The following JMY variants were observed in gnomAD, a reference collection of about 807,000 sequenced individuals.
The protein encoded by JMY is junction-mediating and -regulatory protein.
A neutral mutation model predicts 103.3 loss-of-function variants in JMY; 46 were observed. The observed-to-expected ratio is 0.45, with a 90% CI of 0.35 to 0.57. The LOEUF is 0.57. JMY is among the 20% of genes least tolerant of loss of function. JMY has a pLI of 0.00. For synonymous variants in JMY, 526 were observed against 489.3 expected (o/e 1.07, Z -0.99); for missense variants, 1,238 against 1,255.2 (o/e 0.99, Z 0.21).
chr5:79,258,311 G>GTTTTTT (rs1491360478), intron 1 of JMY, among the ~76,000 whole-genome samples: 94 of 81,816 alleles, frequency 1.1e-3, no homozygotes, highest in African/African-American at 2.7e-3. Context: ...TTTTGTTTTT[G>GTTTTTT]TTGTTTTTTT....
intron 3 of JMY, among the ~76,000 whole-genome samples, chr5:79,290,715 C>T (rs1476244958): frequency 2.0e-5 from 3 of 152,128 alleles, no homozygotes; most frequent in African/African-American, 4.8e-5. Flanking sequence ...CGGCCGGGCA[C>T]GGTGGCTCAC....
chr5:79,314,422 C>T lies in JMY; in HGVS notation c.2230C>T (p.Arg744Cys), dbSNP rs554608602. The change falls in exon 9 of 11, where the codon CGT (arginine) becomes TGT (cysteine). Residue 744 changes from arginine to cysteine, a missense_variant. By Grantham distance (180) the Arg-to-Cys change is radical (BLOSUM62 -3). Coordinates refer to ENST00000396137, the MANE Select transcript of JMY (RefSeq NM_152405.5). ...AGAGGTGGGAGAAGGAAGAGTCAAGCGTGGGCCATCACAGACAACAGAACC... is the reference window on the plus strand; with the variant it reads ...AGAGGTGGGAGAAGGAAGAGTCAAGTGTGGGCCATCACAGACAACAGAACC... ...TEEVGEGRVK[R>C]GPSQTTEPQS... The T allele has an allele frequency of 8.7e-6, 14 of 1,614,094 alleles. No homozygotes were observed. The highest frequency in any genetic ancestry group is 4.5e-5 in the East Asian group (2 of 44,880).
At chr5:79,300,963 T>A in intron 6 of JMY, 100 bp downstream of exon 6, 2 of 979,276 alleles carry the variant, frequency 2.0e-6, no homozygotes, top group Non-Finnish European at 3.0e-6. Context: ...TAAAACTAAG[T>A]AAGCACTATC....
intron 1 of JMY, among the ~76,000 whole-genome samples, chr5:79,255,433 C>T (rs1745212382): frequency 6.6e-6 from 1 of 152,030 alleles, no homozygotes; most frequent in South Asian, 2.1e-4. Context: ...TTCCTGGTGG[C>T]TTATTTATTA....
Position 79,314,454 on chromosome 5 carries a change from C to A in JMY, c.2262C>A (p.Ser754Arg), listed in dbSNP as rs1747142797. The A allele has an allele frequency of 6.2e-7, 1 of 1,614,120 alleles. No individual in the cohort carries two copies. ...RGPSQTTEPQ[S>R]LVQLEDTSLT... ...CATCACAGACAACAGAACCCCAGAG[C>A]CTTGTGCAACTTGAAGATACTTCAT... The change falls in exon 9 of 11, where the codon AGC becomes AGA. Residue 754 changes from serine (S) to arginine (R), a missense_variant. Physicochemically the swap from Ser to Arg is moderately radical, Grantham distance 110. Transcript: ENST00000396137.
chr5:79,307,204 A>G (rs1746911423), intron 7 of JMY, among the ~76,000 whole-genome samples: 2 of 152,356 alleles, frequency 1.3e-5, no homozygotes, highest in Non-Finnish European at 2.9e-5. Context: ...TAAAGCTGCT[A>G]TAAACACCCA....
chr5:79,311,124 C>A (rs928602126), intron 7 of JMY, among the ~76,000 whole-genome samples: 3 of 148,110 alleles, frequency 2.0e-5, no homozygotes, highest in Admixed American at 6.8e-5. Context: ...GCATTTTATT[C>A]AGAAAATTAG....
intron 2 of JMY, among the ~76,000 whole-genome samples, chr5:79,286,075 T>C (rs1746259098): frequency 1.3e-5 from 2 of 152,198 alleles, no homozygotes; most frequent in Admixed American, 1.3e-4. Context: ...CATCTTCAAA[T>C]TTGCCAAGTT....
intron 7 of JMY, among the ~76,000 whole-genome samples, chr5:79,310,057 CTTTTTTT>C (rs55994052): frequency 3.4e-4 from 25 of 73,666 alleles, no homozygotes; most frequent in African/African-American, 9.7e-4. Context: ...CTTTCTTTTC[CTTTTTTT>C]TTTTTTTTTT....
In JMY at chr5:79,237,519, A is replaced by G. The variant is rs1462270181; in HGVS notation, c.869A>G (p.Gln290Arg). ...QEIDTLCYQLQVYLGHGLDTC... is the reference protein window; with the variant it reads ...QEIDTLCYQLRVYLGHGLDTC... ...ATCGACACTCTGTGTTACCAGCTCC[A>G]GGTCTACCTGGGCCACGGCCTGGAC... The change falls in exon 1 of 11, where the codon CAG (glutamine) becomes CGG (arginine). Residue 290 changes from glutamine to arginine, a missense_variant. Transcript: ENST00000396137. 1 of 1,613,698 alleles carries G rather than the reference A, an allele frequency of 6.2e-7. No homozygotes were observed. Among genetic ancestry groups the G allele is most frequent in the Non-Finnish European group, 8.5e-7 (1 of 1,179,996 alleles).
chr5:79,236,559 G>C lies in JMY; in HGVS notation c.-92G>C, dbSNP rs1744501649. The C allele has an allele frequency of 2.8e-6, 3 of 1,076,862 alleles. No homozygotes were observed. In the Admixed American group the frequency reaches 1.3e-4, roughly 46 times the overall value. 66.7% of individuals were successfully genotyped at this position (1,076,862 alleles called of 1,614,324 possible). A position where few individuals can be genotyped will look rare whatever the true frequency, so the allele number is the denominator to read the frequency against. On this transcript the variant is annotated 5_prime_UTR_variant, in exon 1 of 11. Coordinates refer to ENST00000396137, the MANE Select transcript of JMY (RefSeq NM_152405.5). ...ACTAAGATGGCTGAAGGCGCCCGGC[G>C]AGGGTGAGCGGGGGGCGCGGCGCAG...
At position 79,300,904 on chromosome 5, in the gene JMY, C is replaced by G. The variant is rs201139137; in HGVS notation, c.1881+41C>G. The G allele has an allele frequency of 4.5e-4, 661 of 1,473,326 alleles. 3 individuals carry two copies. In the South Asian group the frequency reaches 5.5e-3, roughly 12 times the overall value. 91.3% of individuals were successfully genotyped at this position (1,473,326 alleles called of 1,614,324 possible). On this transcript the variant is annotated intron_variant, in intron 6 of 10. Transcript: ENST00000396137. ...TTTTGTTCATTATTTAGTCTTTTAT[C>G]CGTATCTACTAATCTCATCTGTTTT...
chr5:79,243,986 C>T (rs1744816660), intron 1 of JMY, among the ~76,000 whole-genome samples: 1 of 150,570 alleles, frequency 6.6e-6, no homozygotes, highest in Non-Finnish European at 1.5e-5. Flanking sequence ...CCAGAGATTT[C>T]TTTCTTTTTT....
At chr5:79,255,822 G>A (rs1745224050) in intron 1 of JMY, among the ~76,000 whole-genome samples, 1 of 152,214 alleles carries the variant, frequency 6.6e-6, no homozygotes, top group Admixed American at 6.5e-5. Flanking sequence ...TAGACCTGGG[G>A]GTGGAGGGAC....
chr5:79,244,006 CT>C (rs1186953156), intron 1 of JMY, among the ~76,000 whole-genome samples: 1,621 of 141,154 alleles, frequency 0.011, 13 homozygotes, highest in African/African-American at 0.031. Flanking sequence ...TCTTTTTTTC[CT>C]TTTTTTTTTT....
chr5:79,312,533 T>C, intron 8 of JMY, 35 bp downstream of exon 8: 2 of 209,654 alleles, frequency 9.5e-6, no homozygotes, highest in South Asian at 8.7e-5. Context: ...TTGTTTTTCT[T>C]TTTTTTTTTT....
Position 79,326,675 on chromosome 5 carries a change from A to G in JMY, c.*5073A>G. 6.6e-6 allele frequency: 1 copy of G among 152,236 alleles called. No homozygotes were observed. The highest frequency in any genetic ancestry group is 6.5e-5 in the Admixed American group (1 of 15,288). 9.4% of individuals were successfully genotyped at this position (152,236 alleles called of 1,614,324 possible). ...GAATAATTAATTGCCCATTAGGGCTAAGGAGACTGACATGATTTTTATCGG... is the reference window on the plus strand; with the variant it reads ...GAATAATTAATTGCCCATTAGGGCTGAGGAGACTGACATGATTTTTATCGG... On this transcript the variant is annotated 3_prime_UTR_variant, in exon 11 of 11. Transcript: ENST00000396137.
At chr5:79,266,783 AAAT>A (rs1179977602) in intron 1 of JMY, among the ~76,000 whole-genome samples, 1 of 152,226 alleles carries the variant, frequency 6.6e-6, no homozygotes, top group African/African-American at 2.4e-5. Flanking sequence ...TATTAAAAAC[AAAT>A]AATAGAACCA....
chr5:79,318,757 TATATAGAGAGAGAGAGAGAGAG>T (rs71771346), intron 10 of JMY, among the ~76,000 whole-genome samples: 1 of 24,696 alleles, frequency 4.0e-5, no homozygotes, highest in African/African-American at 2.7e-4. Context: ...TATATATATA[TATATAGAGAGAGAGAGAGAGAG>T]AGAGAGAGAG....
Sources: gnomAD v4.1 joint callset for allele counts (sites outside exome capture counted in the v4.1 genomes callset) on GRCh38, gnomAD v4.1.1 for gene constraint, MANE v1.5 for transcripts, NCBI Gene and HGNC (gene_info 2026-07-23, HGNC 2026-07-21) for gene names.